SYT14: variants seen among roughly 807,000 people sequenced by gnomAD.
SYT14 encodes synaptotagmin-14.
SYT14 carries 32 observed loss-of-function variants against 74.2 expected under a neutral mutation model. The observed-to-expected ratio is 0.43, with a 90% confidence interval of 0.33 to 0.58. SYT14 has a LOEUF of 0.58. Ranked by LOEUF, SYT14 falls within the 20% of genes least tolerant of loss-of-function variation. SYT14 has a pLI of 0.05. For missense variants in SYT14, 791 were observed against 981.8 expected (o/e 0.81, Z 2.60); for synonymous variants, 298 against 337.7 (o/e 0.88, Z 1.29).
At chr1:210,098,190 A>T (rs987344468) in intron 6 of SYT14, among the ~76,000 whole-genome samples, 2 of 151,788 alleles carry the variant, frequency 1.3e-5, no homozygotes, top group African/African-American at 4.8e-5. Context: ...AAAAAAAAAA[A>T]TTAAGGACTC....
intron 5 of SYT14, among the ~76,000 whole-genome samples, chr1:210,022,100 T>C (rs2080315230): frequency 2.6e-5 from 4 of 152,324 alleles, no homozygotes; most frequent in Admixed American, 6.5e-5. Flanking sequence ...CTAGATATCA[T>C]TTTTATCATT....
At chr1:210,153,100 T>C (rs551439039) in intron 7 of SYT14, among the ~76,000 whole-genome samples, 2 of 152,306 alleles carry the variant, frequency 1.3e-5, no homozygotes, top group South Asian at 4.1e-4. Flanking sequence ...TGATAAACAC[T>C]GCACTTATTT....
At chr1:210,122,818 TATA>T (rs2082494763) in intron 7 of SYT14, among the ~76,000 whole-genome samples, 2 of 152,216 alleles carry the variant, frequency 1.3e-5, no homozygotes, top group African/African-American at 4.8e-5. Flanking sequence ...GTAAGATTAA[TATA>T]ATCTGTATAT....
In SYT14 at chr1:210,095,381, G is replaced by T. The variant is rs139284741; in HGVS notation, c.1584+788G>T. 2.2e-3 allele frequency among the ~76,000 whole-genome samples: 331 copies of T among 152,264 alleles called. 3 individuals are homozygous for T. Among genetic ancestry groups the T allele is most frequent in the African/African-American group, 7.6e-3 (317 of 41,556 alleles). Reference sequence around the variant, plus strand: ...GCTTCCTCCCACCTCAGCTTCCCAAGTAACTGATACTACAGGTGTGCACCA... The same window carrying T: ...GCTTCCTCCCACCTCAGCTTCCCAATTAACTGATACTACAGGTGTGCACCA... On this transcript the variant is annotated intron_variant, in intron 6 of 9. Coordinates refer to ENST00000637265, the Ensembl canonical transcript of SYT14.
At chr1:209,955,705 C>G (rs183736665) in intron 2 of SYT14, among the ~76,000 whole-genome samples, 1 of 152,246 alleles carries the variant, frequency 6.6e-6, no homozygotes, top group East Asian at 1.9e-4. Context: ...GTATCTTACC[C>G]TGATCTACAA....
rs761913131 is a variant in SYT14 at position 210,110,756 on chromosome 1, AT to A, written c.2034+10300del. On this transcript the variant is annotated intron_variant, in intron 7 of 9. Coordinates refer to ENST00000637265, the Ensembl canonical transcript of SYT14. ...AGAAATATATTAGATTGTTATTCTT[AT>A]TTTTGAGACAGAGTTTCGTTCTTGT... Among the ~76,000 whole-genome samples the A allele has an allele frequency of 2.7e-4, 41 of 152,182 alleles. 1 individual carries two copies. Among genetic ancestry groups the A allele is most frequent in the Admixed American group, 3.3e-4 (5 of 15,292 alleles).
At chr1:210,137,813 T>C (rs1432085081) in intron 7 of SYT14, among the ~76,000 whole-genome samples, 1 of 151,986 alleles carries the variant, frequency 6.6e-6, no homozygotes, top group African/African-American at 2.4e-5. Context: ...CCTGAGTAGA[T>C]GGAATTACAG....
chr1:209,979,056 G>A (rs1195413727), intron 2 of SYT14, among the ~76,000 whole-genome samples: 1 of 152,218 alleles, frequency 6.6e-6, no homozygotes, highest in East Asian at 1.9e-4. Context: ...CATTGGAAAA[G>A]CGCAGTATTA....
chr1:210,136,633 A>T (rs572039524), intron 7 of SYT14, among the ~76,000 whole-genome samples: 16 of 152,276 alleles, frequency 1.1e-4, no homozygotes, highest in African/African-American at 3.9e-4. Flanking sequence ...TCAAGCACTG[A>T]AGGTCCAGTC....
intron 5 of SYT14, among the ~76,000 whole-genome samples, chr1:210,050,913 A>G (rs2080981994): frequency 6.6e-6 from 1 of 152,246 alleles, no homozygotes; most frequent in Non-Finnish European, 1.5e-5. Flanking sequence ...GCCAAACCAT[A>G]TCAGTCCCAA....
At chr1:210,031,477 G>C (rs1351277969) in intron 5 of SYT14, among the ~76,000 whole-genome samples, 1 of 152,128 alleles carries the variant, frequency 6.6e-6, no homozygotes, top group Non-Finnish European at 1.5e-5. Context: ...CTGAAAGAGA[G>C]TGTACAGAAT....
chr1:210,092,205 C>T (rs957303964), intron 5 of SYT14, among the ~76,000 whole-genome samples: 1 of 151,926 alleles, frequency 6.6e-6, no homozygotes, highest in Admixed American at 6.6e-5. Context: ...TCTCAGGTGT[C>T]AAGTTTGGAG....
chr1:210,146,752 T>C (rs1232714561), intron 7 of SYT14, among the ~76,000 whole-genome samples: 2 of 151,184 alleles, frequency 1.3e-5, no homozygotes, highest in Non-Finnish European at 2.9e-5. Flanking sequence ...CTACATACTA[T>C]ATGTTATATA....
chr1:210,123,070 T>G (rs1192786472), intron 7 of SYT14, among the ~76,000 whole-genome samples: 1 of 152,224 alleles, frequency 6.6e-6, no homozygotes, highest in Non-Finnish European at 1.5e-5. Flanking sequence ...AGTCGTAGTA[T>G]GTGTTAAACA....
chr1:210,082,145 A>G (rs932491715), intron 5 of SYT14, among the ~76,000 whole-genome samples: 5 of 152,182 alleles, frequency 3.3e-5, no homozygotes, highest in Non-Finnish European at 5.9e-5. Context: ...TTAAACTTGG[A>G]ATATGTGGGG....
chr1:210,171,088 T>C (rs2083520759), exon 10 of SYT14: 1 of 152,212 alleles, frequency 6.6e-6, no homozygotes, highest in South Asian at 2.1e-4. Flanking sequence ...ATTTTCTCTT[T>C]GCCAATAGTA....
chr1:209,953,199 A>T, intron 2 of SYT14: 1 of 1,287,586 alleles, frequency 7.8e-7, no homozygotes, highest in Non-Finnish European at 1.0e-6. Flanking sequence ...ACAACTGTCT[A>T]TGCTTCCTTA....
intron 7 of SYT14, among the ~76,000 whole-genome samples, chr1:210,112,942 G>A (rs142518973): frequency 0.016 from 2,362 of 151,376 alleles, 195 homozygotes; most frequent in African/African-American, 0.055. Flanking sequence ...AAGTATATGC[G>A]TCAGGTGTGA....
At chr1:210,044,010 A>C (rs1413698) in intron 5 of SYT14, among the ~76,000 whole-genome samples, 24,821 of 152,058 alleles carry the variant, frequency 0.16, 6,447 homozygotes, top group African/African-American at 0.55. Flanking sequence ...TGGTTTCTCA[A>C]CTTAAAGCAG....
Sources: allele counts gnomAD v4.1 joint callset (sites outside exome capture counted in the v4.1 genomes callset), GRCh38; gene constraint gnomAD v4.1.1; transcripts MANE v1.5; gene names NCBI Gene and HGNC (gene_info 2026-07-23, HGNC 2026-07-21).